The following TMEM230 variants were observed in gnomAD, a reference collection of about 807,000 sequenced individuals.
TMEM230 encodes the protein UPF0414 transmembrane protein C20orf30.
A neutral mutation model predicts 15.8 loss-of-function variants in TMEM230; 10 were observed. The observed-to-expected ratio is 0.63, with a 90% CI of 0.39 to 1.07. The LOEUF is 1.07. Among genes scored for constraint, TMEM230 ranks in the 50% least tolerant of loss-of-function variants. The pLI, the probability that TMEM230 is intolerant of heterozygous loss-of-function variation, is 0.01. For synonymous variants in TMEM230, 67 were observed against 76.9 expected (o/e 0.87, Z 0.68); for missense variants, 165 against 193.3 (o/e 0.85, Z 0.87).
intron 3 of TMEM230, among the ~76,000 whole-genome samples, chr20:5,089,985 C>T (rs1444598481): frequency 1.3e-5 from 2 of 152,176 alleles, no homozygotes; most frequent in African/African-American, 4.8e-5. Context: ...CACTGCACTC[C>T]TCCCTGGGTG....
At chr20:5,088,469 G>A (rs80165806) in intron 3 of TMEM230, among the ~76,000 whole-genome samples, 3,159 of 152,194 alleles carry the variant, frequency 0.021, 98 homozygotes, top group African/African-American at 0.069. Context: ...GGTGGGCAAT[G>A]GGGAAGCAAT....
chr20:5,070,005 C>T (rs1234948685), intron 3 of TMEM230, among the ~76,000 whole-genome samples: 1 of 152,192 alleles, frequency 6.6e-6, no homozygotes, highest in Non-Finnish European at 1.5e-5. Context: ...CCACTGCGCC[C>T]AGCAAATTCC....
downstream of TMEM230, chr20:5,099,733 T>TA (rs35059157): frequency 0.53 from 306,887 of 580,732 alleles, 82,745 homozygotes; most frequent in East Asian, 0.84. Context: ...CCCAAGTCCA[T>TA]AACCTCAGAG....
chr20:5,086,327 C>T (rs2122625534), intron 3 of TMEM230, among the ~76,000 whole-genome samples: 1 of 151,098 alleles, frequency 6.6e-6, no homozygotes, highest in South Asian at 2.1e-4. Flanking sequence ...CACTTGAGGT[C>T]AGGAGTTCAA....
chr20:5,093,212 A>C (rs2089559309), intron 3 of TMEM230, among the ~76,000 whole-genome samples: 1 of 152,228 alleles, frequency 6.6e-6, no homozygotes, highest in Non-Finnish European at 1.5e-5. Flanking sequence ...CAAAGAAAAA[A>C]AAGAATAAGA....
At chr20:5,110,662 AG>A (rs1368532842) in intron 2 of TMEM230, among the ~76,000 whole-genome samples, 1 of 152,206 alleles carries the variant, frequency 6.6e-6, no homozygotes, top group Non-Finnish European at 1.5e-5. Flanking sequence ...CACTGAAAGT[AG>A]TGATTTCATT....
intron 3 of TMEM230, among the ~76,000 whole-genome samples, chr20:5,084,856 T>G (rs993304722): frequency 6.6e-6 from 1 of 152,224 alleles, no homozygotes; most frequent in African/African-American, 2.4e-5. Flanking sequence ...ACGTTGTATA[T>G]GTACCACGTT....
the TMEM230 span, among the ~76,000 whole-genome samples, chr20:5,062,234 A>G: frequency 6.6e-6 from 1 of 151,634 alleles, no homozygotes; most frequent in Non-Finnish European, 1.5e-5. Flanking sequence ...AAAAAAAGAA[A>G]AAAAAAAAGC....
At chr20:5,081,722 T>C (rs2089180503) in intron 3 of TMEM230, among the ~76,000 whole-genome samples, 1 of 152,182 alleles carries the variant, frequency 6.6e-6, no homozygotes, top group Non-Finnish European at 1.5e-5. Flanking sequence ...AAGAGTCAGA[T>C]GATCCTCCTT....
At position 5,100,561 on chromosome 20, in the gene TMEM230, T is replaced by C; in HGVS notation, c.*230A>G. 7.5e-7 allele frequency: 1 copy of C among 1,328,874 alleles called. No individual in the cohort carries two copies. Among genetic ancestry groups the C allele is most frequent in the South Asian group, 1.8e-5 (1 of 56,232 alleles). The allele number at this position is 1,328,874 out of a possible 1,614,324, so 82.3% of individuals were successfully genotyped here. On this transcript the variant is annotated 3_prime_UTR_variant, in exon 5 of 5. Transcript: ENST00000342308. ...ATAACCTCTATTCTTCCATGATACA[T>C]ATTCCTGTGGAAAAACTTGTCAGGG...
At position 5,101,798 on chromosome 20, in the gene TMEM230, G is replaced by T. The variant is rs6139623; in HGVS notation, c.412-867C>A. ...AGACAACTTGGACACTGTGTATGTG[G>T]GGACAGCCCATGAGAAAGAACCACC... On this transcript the variant is annotated intron_variant, in intron 4 of 4. Transcript: ENST00000342308. Among the ~76,000 whole-genome samples the T allele has an allele frequency of 1.3e-3, 203 of 152,216 alleles. 2 individuals carry two copies. In the East Asian group the frequency reaches 0.035, roughly 26 times the overall value.
intron 3 of TMEM230, among the ~76,000 whole-genome samples, chr20:5,092,054 C>T (rs2089522883): frequency 6.6e-6 from 1 of 152,192 alleles, no homozygotes; most frequent in African/African-American, 2.4e-5. Flanking sequence ...GCTTACTCTG[C>T]CAACACCCTA....
Position 5,070,138 on chromosome 20 carries a change from G to A in TMEM230, c.223-789C>T, listed in dbSNP as rs1405863653. Among the ~76,000 whole-genome samples the A allele has an allele frequency of 2.6e-5, 4 of 152,018 alleles. No homozygotes were observed. The South Asian group carries it at 6.2e-4, about 24-fold the overall frequency. On this transcript the variant is annotated intron_variant, in intron 3 of 3. Transcript: ENST00000612323. ...CTAGCTCTCTTGGAACTTTGCTCTC[G>A]AGACACTCCTTCTCAGACCCCAGCC...
At chr20:5,091,733 A>ACCTC (rs1180863687) in intron 3 of TMEM230, among the ~76,000 whole-genome samples, 1 of 151,722 alleles carries the variant, frequency 6.6e-6, no homozygotes, top group Non-Finnish European at 1.5e-5. Context: ...TTTGATACCT[A>ACCTC]CCAAAGCTAT....
rs1195396359 is a variant in TMEM230, at chr20:5,076,393, T to C, written c.223-7044A>G. Among the ~76,000 whole-genome samples the C allele has an allele frequency of 5.3e-5, 8 of 151,764 alleles. No individual in the cohort carries two copies. In the East Asian group the frequency reaches 1.4e-3, roughly 26 times the overall value. On this transcript the variant is annotated intron_variant, in intron 3 of 3. Transcript: ENST00000612323. ...CGTCTCTACTAAAAATACAAAAAAT[T>C]ACCCAGGCATGGTGGCGGGCGCCTG...
chr20:5,063,737 C>T (rs563446421), downstream of TMEM230, among the ~76,000 whole-genome samples: 24 of 152,236 alleles, frequency 1.6e-4, no homozygotes, highest in East Asian at 4.6e-3. Context: ...TGTACACATA[C>T]ATGTGTATTC....
intron 3 of TMEM230, among the ~76,000 whole-genome samples, chr20:5,086,793 A>G (rs2089350951): frequency 6.6e-6 from 1 of 151,642 alleles, no homozygotes; most frequent in African/African-American, 2.4e-5. Context: ...TCAACCTTCT[A>G]GCCTCAAGCA....
chr20:5,076,898 G>A (rs1180941101), intron 3 of TMEM230, among the ~76,000 whole-genome samples: 1 of 151,406 alleles, frequency 6.6e-6, no homozygotes, highest in Non-Finnish European at 1.5e-5. Context: ...GGCTAGACTC[G>A]AACTCCTGAC....
downstream of TMEM230, chr20:5,067,261 G>C (rs1411370964): frequency 2.0e-5 from 3 of 151,396 alleles, no homozygotes; most frequent in Non-Finnish European, 4.4e-5. Context: ...TAAAGCCCCA[G>C]TATGTCCAGG....
Sources: gnomAD v4.1 joint callset for allele counts (sites outside exome capture counted in the v4.1 genomes callset) on GRCh38, gnomAD v4.1.1 for gene constraint, MANE v1.5 for transcripts, NCBI Gene and HGNC (gene_info 2026-07-23, HGNC 2026-07-21) for gene names.